CRIM1: variants seen among roughly 807,000 people sequenced by gnomAD.
CRIM1 encodes cysteine-rich motor neuron 1 protein.
Under a neutral mutation model 116.4 loss-of-function variants are expected in CRIM1, and 32 were observed. That is an observed-to-expected ratio of 0.27 (90% CI 0.21 to 0.37). The LOEUF (loss-of-function observed/expected upper bound fraction) is 0.37, where lower values mean the gene tolerates loss of function less well. CRIM1 is among the 10% of genes least tolerant of loss of function. CRIM1 has a pLI of 1.00. For missense variants in CRIM1, 1,331 were observed against 1,354.8 expected, an observed-to-expected ratio of 0.98 and a Z score of 0.28; for synonymous variants, 590 against 509.2, an observed-to-expected ratio of 1.16 and a Z score of -2.13.
Position 36,431,407 on chromosome 2 carries a change from A to G in CRIM1, c.506-9851A>G, listed in dbSNP as rs556401952. ...TCAGCACCCTCTTTTTGTTCTTGCT[A>G]TATCATTTTAATTACATAAGTAAAG... On this transcript the variant is annotated intron_variant, in intron 2 of 16. Transcript: ENST00000280527. Among the ~76,000 whole-genome samples, 11 of 152,258 alleles carry G rather than the reference A, an allele frequency of 7.2e-5. No individual in the cohort carries two copies. In the East Asian group the frequency reaches 1.2e-3, roughly 16 times the overall value.
At chr2:36,453,581 G>A (rs1213954101) in intron 4 of CRIM1, among the ~76,000 whole-genome samples, 1 of 152,192 alleles carries the variant, frequency 6.6e-6, no homozygotes, top group African/African-American at 2.4e-5. Context: ...AAACCCCATA[G>A]TGTTCTTGGA....
intron 4 of CRIM1, among the ~76,000 whole-genome samples, chr2:36,445,874 T>G (rs533292615): frequency 2.4e-4 from 37 of 152,278 alleles, no homozygotes; most frequent in African/African-American, 8.7e-4. Context: ...CCATGTCAAA[T>G]GTCCACTCTT....
intron 1 of CRIM1, among the ~76,000 whole-genome samples, chr2:36,360,644 G>A (rs1010424473): frequency 6.6e-6 from 1 of 152,102 alleles, no homozygotes; most frequent in Non-Finnish European, 1.5e-5. Flanking sequence ...CAGTGAAGAT[G>A]ATGGCTGCTT....
intron 7 of CRIM1, among the ~76,000 whole-genome samples, chr2:36,489,186 G>C (rs959328656): frequency 2.6e-5 from 4 of 152,116 alleles, no homozygotes; most frequent in African/African-American, 9.7e-5. Context: ...CTGTGCCTTT[G>C]TGCCTTGCAT....
chr2:36,534,166 AGGAAGGAAGGAGGGAGTG>A (rs1558410022), intron 13 of CRIM1, among the ~76,000 whole-genome samples: 4 of 126,104 alleles, frequency 3.2e-5, no homozygotes, highest in Non-Finnish European at 3.3e-5. Context: ...GGAAGAAGGA[AGGAAGGAAGGAGGGAGTG>A]GGAAGGAAGG....
chr2:36,399,735 T>C (rs1451898724), intron 2 of CRIM1, among the ~76,000 whole-genome samples: 1 of 152,208 alleles, frequency 6.6e-6, no homozygotes, highest in African/African-American at 2.4e-5. Context: ...AGAAAGGCGA[T>C]TGCAGGAGCA....
chr2:36,495,076 T>C (rs1167477682), intron 7 of CRIM1, among the ~76,000 whole-genome samples: 1 of 152,118 alleles, frequency 6.6e-6, no homozygotes, highest in Non-Finnish European at 1.5e-5. Context: ...TTTTCTTTGC[T>C]CCAAGCAGCA....
At chr2:36,414,306 C>T (rs1290802195) in intron 2 of CRIM1, among the ~76,000 whole-genome samples, 1 of 152,178 alleles carries the variant, frequency 6.6e-6, no homozygotes, top group African/African-American at 2.4e-5. Context: ...CACACAAAAG[C>T]TTGTTTTGTC....
At chr2:36,427,858 A>G (rs960158512) in intron 2 of CRIM1, among the ~76,000 whole-genome samples, 1 of 151,632 alleles carries the variant, frequency 6.6e-6, no homozygotes, top group Non-Finnish European at 1.5e-5. Context: ...CCATTTGTTC[A>G]CTGTGTCTCA....
At chr2:36,539,421 C>T (rs569860948) in intron 14 of CRIM1, among the ~76,000 whole-genome samples, 4 of 152,226 alleles carry the variant, frequency 2.6e-5, no homozygotes, top group Non-Finnish European at 5.9e-5. Context: ...GAGGCAGCCA[C>T]GGCCAGACAC....
chr2:36,366,610 A>G (rs1438764301), intron 1 of CRIM1, among the ~76,000 whole-genome samples: 1 of 152,160 alleles, frequency 6.6e-6, no homozygotes, highest in Non-Finnish European at 1.5e-5. Context: ...CTTATTTAGC[A>G]TTTCAAAACA....
At chr2:36,421,337 A>G (rs969043784) in intron 2 of CRIM1, among the ~76,000 whole-genome samples, 3 of 152,218 alleles carry the variant, frequency 2.0e-5, no homozygotes, top group Non-Finnish European at 2.9e-5. Context: ...AAAAGCTGCA[A>G]TCAGTACTGT....
At chr2:36,542,390 C>A (rs1204092702) in intron 14 of CRIM1, among the ~76,000 whole-genome samples, 3 of 152,184 alleles carry the variant, frequency 2.0e-5, no homozygotes, top group Admixed American at 6.5e-5. Flanking sequence ...AAGTAGAGCC[C>A]CTGTGGGAAG....
chr2:36,524,464 G>A (rs1665620819), intron 13 of CRIM1, among the ~76,000 whole-genome samples: 1 of 151,936 alleles, frequency 6.6e-6, no homozygotes, highest in Admixed American at 6.6e-5. Flanking sequence ...AAGTTCAGAG[G>A]TACAAGTGCA....
At chr2:36,537,063 A>G (rs961166396) in intron 13 of CRIM1, among the ~76,000 whole-genome samples, 2 of 152,086 alleles carry the variant, frequency 1.3e-5, no homozygotes, top group South Asian at 2.1e-4. Flanking sequence ...CTTTTTATCA[A>G]TCTCTTTATC....
intron 1 of CRIM1, among the ~76,000 whole-genome samples, chr2:36,374,366 A>C (rs569426366): frequency 3.9e-5 from 6 of 152,322 alleles, no homozygotes; most frequent in African/African-American, 1.4e-4. Flanking sequence ...GCTACTGTAA[A>C]GGGATAACTT....
intron 7 of CRIM1, among the ~76,000 whole-genome samples, chr2:36,484,177 G>T (rs1253259149): frequency 6.6e-6 from 1 of 152,158 alleles, no homozygotes; most frequent in Non-Finnish European, 1.5e-5. Context: ...GAGTTTAACT[G>T]GGGCTTCCCA....
At chr2:36,454,994 G>T (rs1464512552) in intron 4 of CRIM1, among the ~76,000 whole-genome samples, 5 of 152,176 alleles carry the variant, frequency 3.3e-5, no homozygotes, top group Admixed American at 6.5e-5. Context: ...GGGCTCCGTT[G>T]TTAAAGAGGT....
intron 1 of CRIM1, among the ~76,000 whole-genome samples, chr2:36,381,316 G>T (rs368738822): frequency 5.9e-5 from 9 of 152,198 alleles, no homozygotes; most frequent in Non-Finnish European, 1.3e-4. Flanking sequence ...GGCCCCACAG[G>T]CAGCTCCCGC....
Sources: allele counts gnomAD v4.1 joint callset (sites outside exome capture counted in the v4.1 genomes callset), GRCh38; gene constraint gnomAD v4.1.1; transcripts MANE v1.5; gene names NCBI Gene and HGNC (gene_info 2026-07-23, HGNC 2026-07-21).